The following CA10 variants were observed in gnomAD, a reference collection of about 807,000 sequenced individuals.
CA10 encodes the protein carbonic anhydrase-related protein 10.
In CA10, 14 loss-of-function variants were observed where a neutral mutation model predicts 44.2. That is an observed-to-expected ratio of 0.32 (90% CI 0.21 to 0.50). CA10 has a LOEUF of 0.50. CA10 is among the 20% of genes least tolerant of loss of function. The pLI, the probability that CA10 is intolerant of heterozygous loss-of-function variation, is 0.99. For missense variants in CA10, 350 were observed against 409.7 expected (o/e 0.85, Z 1.26); for synonymous variants, 159 against 141.6 (o/e 1.12, Z -0.87).
chr17:51,715,878 C>T (rs532155556), intron 4 of CA10, among the ~76,000 whole-genome samples: 23 of 152,012 alleles, frequency 1.5e-4, no homozygotes, highest in Admixed American at 3.3e-4. Context: ...TTAGTAGAGA[C>T]GGGGTTTCAC....
chr17:52,136,836 A>C (rs933664786), intron 1 of CA10, among the ~76,000 whole-genome samples: 6 of 152,326 alleles, frequency 3.9e-5, no homozygotes, highest in Admixed American at 1.3e-4. Flanking sequence ...GTGAGACACG[A>C]TTTTGAAATG....
intron 3 of CA10, among the ~76,000 whole-genome samples, chr17:51,890,388 C>T (rs1362666070): frequency 3.3e-5 from 5 of 152,126 alleles, no homozygotes; most frequent in Non-Finnish European, 5.9e-5. Flanking sequence ...TATTTTTGAT[C>T]CTTGGCTTCC....
chr17:51,937,523 TA>T (rs1381596514), intron 2 of CA10, among the ~76,000 whole-genome samples: 1 of 152,140 alleles, frequency 6.6e-6, no homozygotes, highest in Non-Finnish European at 1.5e-5. Context: ...TTGTTAAAGG[TA>T]AGTTCTCCCA....
chr17:52,157,610 C>T, intron 1 of CA10, 116 bp downstream of exon 1: 2 of 884,502 alleles, frequency 2.3e-6, no homozygotes, highest in East Asian at 2.7e-5. Flanking sequence ...ACCCGCAGAA[C>T]TCAAAGGGTC....
chr17:51,855,840 A>G (rs1979015304), intron 3 of CA10, among the ~76,000 whole-genome samples: 1 of 152,240 alleles, frequency 6.6e-6, no homozygotes, highest in African/African-American at 2.4e-5. Context: ...CAGTGTACAG[A>G]AAGTGGCCAC....
chr17:51,693,491 C>A (rs1487505065), intron 4 of CA10, among the ~76,000 whole-genome samples: 1 of 152,084 alleles, frequency 6.6e-6, no homozygotes, highest in Admixed American at 6.5e-5. Flanking sequence ...CACCCCCTAT[C>A]CACCCCCGAC....
At chr17:51,643,997 C>G (rs951940291) in intron 6 of CA10, among the ~76,000 whole-genome samples, 3 of 152,192 alleles carry the variant, frequency 2.0e-5, no homozygotes, top group Non-Finnish European at 4.4e-5. Context: ...GCCCAGATCT[C>G]TCTTCACTAG....
chr17:52,058,891 C>T (rs1052240970), intron 2 of CA10, among the ~76,000 whole-genome samples: 1 of 152,118 alleles, frequency 6.6e-6, no homozygotes, highest in Admixed American at 6.6e-5. Flanking sequence ...AACTCAACTG[C>T]GAGCTCTTAA....
At chr17:51,853,726 A>T (rs944107524) in intron 3 of CA10, among the ~76,000 whole-genome samples, 2 of 152,138 alleles carry the variant, frequency 1.3e-5, no homozygotes, top group African/African-American at 4.8e-5. Context: ...TGAATGGATC[A>T]TGGGGGCGGT....
At chr17:51,874,626 T>C (rs190421152) in intron 3 of CA10, among the ~76,000 whole-genome samples, 2 of 152,314 alleles carry the variant, frequency 1.3e-5, no homozygotes, top group East Asian at 3.9e-4. Context: ...TTGTTACACA[T>C]GTAAAATGTA....
intron 3 of CA10, among the ~76,000 whole-genome samples, chr17:51,912,541 GAA>G (rs1376595243): frequency 6.6e-6 from 1 of 152,198 alleles, no homozygotes; most frequent in African/African-American, 2.4e-5. Context: ...CATAGCTAGT[GAA>G]AGAGTTTACT....
At chr17:51,636,365 G>A (rs748123116) in intron 6 of CA10, among the ~76,000 whole-genome samples, 22 of 152,178 alleles carry the variant, frequency 1.4e-4, no homozygotes, top group Non-Finnish European at 2.4e-4. Flanking sequence ...TGACAGAAGC[G>A]AAAGCATGGC....
At chr17:51,991,061 C>G (rs1373947937) in intron 2 of CA10, among the ~76,000 whole-genome samples, 1 of 152,124 alleles carries the variant, frequency 6.6e-6, no homozygotes, top group African/African-American at 2.4e-5. Context: ...ATGTTTTTAA[C>G]TGTGTCAACG....
intron 2 of CA10, among the ~76,000 whole-genome samples, chr17:52,057,199 C>T (rs1212900737): frequency 1.3e-5 from 2 of 151,976 alleles, no homozygotes; most frequent in Non-Finnish European, 2.9e-5. Context: ...CTACGTAGGT[C>T]GACTTATACA....
chr17:52,088,284 T>G (rs1988170808), intron 1 of CA10, among the ~76,000 whole-genome samples: 1 of 152,122 alleles, frequency 6.6e-6, no homozygotes. Context: ...AAACAGAACA[T>G]CTGAATTCAG....
chr17:51,792,653 A>T (rs1406247946), intron 3 of CA10, among the ~76,000 whole-genome samples: 1 of 149,968 alleles, frequency 6.7e-6, no homozygotes, highest in African/African-American at 2.5e-5. Context: ...CATCTGAAAA[A>T]GAAAAGAAAG....
At chr17:51,970,667 A>G (rs1984249901) in intron 2 of CA10, among the ~76,000 whole-genome samples, 1 of 152,112 alleles carries the variant, frequency 6.6e-6, no homozygotes, top group Non-Finnish European at 1.5e-5. Flanking sequence ...GATCTAATTC[A>G]TCAGTCTTTC....
At chr17:52,000,310 A>G (rs1041166641) in intron 2 of CA10, among the ~76,000 whole-genome samples, 4 of 152,066 alleles carry the variant, frequency 2.6e-5, no homozygotes, top group Non-Finnish European at 5.9e-5. Flanking sequence ...ATGCAGGTGT[A>G]GTGAAAGCAA....
chr17:51,834,963 T>C (rs1032650152), intron 3 of CA10, among the ~76,000 whole-genome samples: 2 of 152,232 alleles, frequency 1.3e-5, no homozygotes, highest in African/African-American at 2.4e-5. Flanking sequence ...AGGAGCTGAG[T>C]TGGCCAGATA....
Sources: gnomAD v4.1 joint callset for allele counts (sites outside exome capture counted in the v4.1 genomes callset) on GRCh38, gnomAD v4.1.1 for gene constraint, MANE v1.5 for transcripts, NCBI Gene and HGNC (gene_info 2026-07-23, HGNC 2026-07-21) for gene names.